Variants in HEPHL1 observed in about 807,000 individuals in gnomAD.
HEPHL1 encodes hephaestin like 1, also known as ferroxidase HEPHL1.
Under a neutral mutation model 122.0 loss-of-function variants are expected in HEPHL1, and 123 were observed. The ratio of observed to expected loss-of-function variants is 1.01; its 90% CI spans 0.87 to 1.17. The LOEUF (loss-of-function observed/expected upper bound fraction) is 1.17. HEPHL1 is among the 50% of genes most tolerant of loss of function. HEPHL1 has a pLI of 0.00. For missense variants in HEPHL1, 1,452 were observed against 1,430.5 expected, an observed-to-expected ratio of 1.01 and a Z score of -0.24; for synonymous variants, 527 against 508.9, an observed-to-expected ratio of 1.04 and a Z score of -0.48.
intron 2 of HEPHL1, among the ~76,000 whole-genome samples, chr11:94,047,181 A>G (rs1244879897): frequency 1.3e-5 from 2 of 152,240 alleles, no homozygotes; most frequent in Non-Finnish European, 2.9e-5. Context: ...AGGTGTAACT[A>G]TGAATGCATT....
At chr11:94,048,703 G>A (rs1945861902) in intron 2 of HEPHL1, among the ~76,000 whole-genome samples, 1 of 152,052 alleles carries the variant, frequency 6.6e-6, no homozygotes, top group Admixed American at 6.5e-5. Flanking sequence ...GGTTCTCAGA[G>A]TCCCTGAAAA....
At chr11:94,097,874 C>A (rs1009789015) in intron 13 of HEPHL1, among the ~76,000 whole-genome samples, 3 of 152,130 alleles carry the variant, frequency 2.0e-5, no homozygotes, top group Admixed American at 1.3e-4. Context: ...CTTAGTAGAT[C>A]TTCCTTCATC....
intron 6 of HEPHL1, among the ~76,000 whole-genome samples, chr11:94,072,550 G>C (rs557811418): frequency 6.6e-6 from 1 of 152,036 alleles, no homozygotes; most frequent in Non-Finnish European, 1.5e-5. Flanking sequence ...CATGCATATG[G>C]TTTATATGGT....
intron 2 of HEPHL1, among the ~76,000 whole-genome samples, chr11:94,049,973 T>C (rs1356058494): frequency 6.6e-6 from 1 of 152,094 alleles, no homozygotes; most frequent in Non-Finnish European, 1.5e-5. Flanking sequence ...CTTACCAACA[T>C]TGAGTCTTTC....
chr11:94,042,881 A>AC (rs1945797140), intron 1 of HEPHL1, among the ~76,000 whole-genome samples: 5 of 137,232 alleles, frequency 3.6e-5, no homozygotes, highest in South Asian at 5.2e-4. Context: ...ATAATAAAAA[A>AC]AAAAAAAAAA....
intron 13 of HEPHL1, 24 bp from the exon 14 acceptor site, chr11:94,101,171 C>T: frequency 1.2e-6 from 2 of 1,611,814 alleles, no homozygotes; most frequent in Non-Finnish European, 1.7e-6. Context: ...TAATAATGCA[C>T]ACAGGCCTGT....
intron 1 of HEPHL1, among the ~76,000 whole-genome samples, chr11:94,037,908 G>A (rs560904032): frequency 2.8e-4 from 42 of 151,728 alleles, no homozygotes; most frequent in African/African-American, 8.8e-4. Context: ...GGCTTCAGAC[G>A]ATCAAATTAC....
At chr11:94,047,859 T>C (rs959365620) in intron 2 of HEPHL1, among the ~76,000 whole-genome samples, 1 of 152,148 alleles carries the variant, frequency 6.6e-6, no homozygotes, top group African/African-American at 2.4e-5. Context: ...TTCAAAAAAA[T>C]TGTGGTAAAA....
chr11:94,096,648 T>G (rs1946318423), intron 13 of HEPHL1, among the ~76,000 whole-genome samples: 1 of 152,222 alleles, frequency 6.6e-6, no homozygotes, highest in Admixed American at 6.5e-5. Context: ...TGTCTGGTCC[T>G]GGACTTTTTT....
intron 8 of HEPHL1, 115 bp downstream of exon 8, chr11:94,073,554 C>A (rs1448871398): frequency 7.0e-6 from 7 of 995,134 alleles, no homozygotes; most frequent in African/African-American, 1.6e-5. Flanking sequence ...AGAGCTTGGG[C>A]AATCACTTAA....
At chr11:94,022,911 G>A (rs1337579054) in intron 1 of HEPHL1, among the ~76,000 whole-genome samples, 2 of 152,194 alleles carry the variant, frequency 1.3e-5, no homozygotes, top group African/African-American at 4.8e-5. Flanking sequence ...TACACTGAGT[G>A]TAATGAATAT....
At position 94,088,850 on chromosome 11, in the gene HEPHL1, G is replaced by T. The variant is rs1946239736; in HGVS notation, c.2176G>T (p.Glu726Ter). Reference sequence around the variant, plus strand: ...CAGCTGTGACAACAGGGACCCTTCTGAGCAGCGGTACGGGATGATAAGAAC... The same window carrying T: ...CAGCTGTGACAACAGGGACCCTTCTTAGCAGCGGTACGGGATGATAAGAAC... ...VSSCDNRDPSEQRYGMIRTFY... is the reference protein window; with the variant it reads ...VSSCDNRDPS The change falls in exon 12 of 20, where the codon GAG becomes TAG. Residue 726 changes from glutamate (E) to a stop codon, truncating the protein, a stop_gained. Transcript: ENST00000315765. LOFTEE classifies it high-confidence loss of function. 1.9e-6 allele frequency: 3 copies of T among 1,613,964 alleles called. No homozygotes were observed. The East Asian group carries it at 6.7e-5, about 36-fold the overall frequency.
At chr11:94,089,072 G>C in intron 12 of HEPHL1, 104 bp downstream of exon 12, 2 of 1,052,992 alleles carry the variant, frequency 1.9e-6, no homozygotes, top group Non-Finnish European at 2.9e-6. Flanking sequence ...TGTCTCCACA[G>C]TTCCGGCCGA....
Position 94,111,900 on chromosome 11 carries a change from C to T in HEPHL1, c.*6C>T. ...TCCCCACGGATGCTCTGTGAACCAT[C>T]TGGTCTCCCTCAACAGGAAAGGGTG... On this transcript the variant is annotated 3_prime_UTR_variant, in exon 20 of 20. Transcript: ENST00000315765. The T allele has an allele frequency of 1.3e-6, 2 of 1,505,402 alleles. No individual in the cohort carries two copies. Among genetic ancestry groups the T allele is most frequent in the Non-Finnish European group, 1.8e-6 (2 of 1,127,588 alleles). 93.3% of individuals were successfully genotyped at this position (1,505,402 alleles called of 1,614,324 possible).
Position 94,111,853 on chromosome 11 carries a change from C to G in HEPHL1, c.3439C>G (p.Gln1147Glu), listed in dbSNP as rs768755506. Residue 1147 changes from glutamine (Q) to glutamate (E), a missense_variant, in exon 20 of 20, where the codon CAG becomes GAG. Coordinates refer to ENST00000315765, the MANE Select transcript of HEPHL1 (RefSeq NM_001098672.2). ...LCSAMKQTDY[Q>E]QVQSCALPTD... ...CTCTGCAATGAAGCAGACAGATTAC[C>G]AGCAAGTCCAGTCCTGTGCTCTCCC... 1.3e-6 allele frequency: 2 copies of G among 1,532,310 alleles called. No individual in the cohort carries two copies. The highest frequency in any genetic ancestry group is 1.8e-4 in the Middle Eastern group (1 of 5,630). The allele number at this position is 1,532,310 out of a possible 1,614,324, so 94.9% of individuals were successfully genotyped here.
chr11:94,037,548 T>C (rs1945737798), intron 1 of HEPHL1, among the ~76,000 whole-genome samples: 1 of 152,132 alleles, frequency 6.6e-6, no homozygotes, highest in Non-Finnish European at 1.5e-5. Flanking sequence ...CCTCCTCAAG[T>C]GGGTCCCTGA....
At chr11:94,030,786 G>A (rs1945667619) in intron 1 of HEPHL1, among the ~76,000 whole-genome samples, 2 of 152,206 alleles carry the variant, frequency 1.3e-5, no homozygotes. Flanking sequence ...GGAAATGTAA[G>A]TCTTTGCCTT....
In HEPHL1 at chr11:94,073,347, T is replaced by G; in HGVS notation, c.1412T>G (p.Val471Gly). The change falls in exon 8 of 20, where the codon GTG becomes GGG. Residue 471 changes from valine (V) to glycine (G), a missense_variant. Val to Gly is a moderately radical substitution (Grantham distance 109, BLOSUM62 -3). Transcript: ENST00000315765. Reference sequence around the variant, plus strand: ...GCAGAGGTGGGTGATACCCTGTTAGTGACCTTTGCCAACAAAGCCGACAAG... The same window carrying G: ...GCAGAGGTGGGTGATACCCTGTTAGGGACCTTTGCCAACAAAGCCGACAAG... Reference protein sequence around the residue: ...IKAEVGDTLLVTFANKADKVY... With the variant: ...IKAEVGDTLLGTFANKADKVY... 1 of 1,605,608 alleles carries G rather than the reference T, an allele frequency of 6.2e-7. No individual in the cohort carries two copies. The highest frequency in any genetic ancestry group is 1.3e-5 in the African/African-American group (1 of 74,954).
intron 6 of HEPHL1, among the ~76,000 whole-genome samples, chr11:94,071,320 T>C (rs1946071901): frequency 7.7e-6 from 1 of 130,522 alleles, no homozygotes; most frequent in Non-Finnish European, 1.6e-5. Flanking sequence ...ATTTGTTTCT[T>C]TAATTGTACA....
Sources: gnomAD v4.1 joint callset for allele counts (sites outside exome capture counted in the v4.1 genomes callset) on GRCh38, gnomAD v4.1.1 for gene constraint, MANE v1.5 for transcripts, NCBI Gene and HGNC (gene_info 2026-07-23, HGNC 2026-07-21) for gene names.